Variants in MYBPC1 observed in about 807,000 individuals in gnomAD.
MYBPC1 encodes the protein myosin-binding protein C, slow-type.
A neutral mutation model predicts 147.1 loss-of-function variants in MYBPC1; 52 were observed. The ratio of observed to expected loss-of-function variants is 0.35; its 90% CI spans 0.28 to 0.45. The LOEUF is 0.45. Among genes scored for constraint, MYBPC1 ranks in the 20% least tolerant of loss-of-function variants. The pLI, the probability that MYBPC1 is intolerant of heterozygous loss-of-function variation, is 1.00. For synonymous variants in MYBPC1, 477 were observed against 475.9 expected (o/e 1.00, Z -0.03); for missense variants, 1,228 against 1,440.3 (o/e 0.85, Z 2.39).
At position 101,666,894 on chromosome 12, in the gene MYBPC1, TACACAC is replaced by T. The variant is rs1201276523; in HGVS notation, c.2357-808_2357-803del. The T allele has an allele frequency of 4.2e-3, 1,314 of 313,820 alleles. 3 individuals are homozygous for T. Among genetic ancestry groups the T allele is most frequent in the African/African-American group, 0.02 (823 of 41,402 alleles). The allele number at this position is 313,820 out of a possible 1,614,324, so 19.4% of individuals were successfully genotyped here. A position where few individuals can be genotyped will look rare whatever the true frequency, so the allele number is the denominator to read the frequency against. On this transcript the variant is annotated intron_variant, in intron 22 of 31. Transcript: ENST00000361466. ...GCATGAAGAATACTCATCACATACATACACACACACACACACACACACACACACACA... is the reference window on the plus strand; with the variant it reads ...GCATGAAGAATACTCATCACATACATACACACACACACACACACACACACA...
rs143168620 is a variant in MYBPC1, at chr12:101,641,900, C to T, written c.666-519C>T. On this transcript the variant is annotated intron_variant, in intron 10 of 31. Coordinates refer to ENST00000361466, the MANE Select transcript of MYBPC1 (RefSeq NM_002465.4). ...AGTTACTAATATGGTAGGGAAAATGCTATTTGCAAAATCCAAATGTTTGAA... is the reference window on the plus strand; with the variant it reads ...AGTTACTAATATGGTAGGGAAAATGTTATTTGCAAAATCCAAATGTTTGAA... 6.9e-3 allele frequency among the ~76,000 whole-genome samples: 1,042 copies of T among 151,904 alleles called. 6 individuals are homozygous for T. Among genetic ancestry groups the T allele is most frequent in the Middle Eastern group, 0.02 (6 of 294 alleles).
intron 22 of MYBPC1, 45 bp from the exon 23 acceptor site, chr12:101,667,687 T>C (rs1897742699): frequency 1.2e-6 from 2 of 1,610,204 alleles, no homozygotes; most frequent in Non-Finnish European, 1.7e-6. Context: ...TTTTTTTCAC[T>C]AAACAGCATT....
intron 20 of MYBPC1, among the ~76,000 whole-genome samples, chr12:101,661,745 C>T (rs775656519): frequency 1.3e-5 from 2 of 151,348 alleles, no homozygotes; most frequent in South Asian, 2.1e-4. Flanking sequence ...AAAAATTAGC[C>T]GGGCATGGTG....
At chr12:101,647,660 C>T (rs139958463) in intron 13 of MYBPC1, among the ~76,000 whole-genome samples, 284 of 152,208 alleles carry the variant, frequency 1.9e-3, no homozygotes, top group African/African-American at 6.1e-3. Context: ...GGCCAAGGCA[C>T]GTGATCACTT....
chr12:101,607,640 T>C (rs1478557831), intron 1 of MYBPC1, among the ~76,000 whole-genome samples: 1 of 152,194 alleles, frequency 6.6e-6, no homozygotes, highest in African/African-American at 2.4e-5. Context: ...TTTATGCCTA[T>C]ATAATATATT....
At chr12:101,612,200 A>G (rs908002599) in intron 1 of MYBPC1, among the ~76,000 whole-genome samples, 1 of 152,220 alleles carries the variant, frequency 6.6e-6, no homozygotes, top group Non-Finnish European at 1.5e-5. Flanking sequence ...CTCTTTCTAC[A>G]TAGCAGGAAC....
At chr12:101,617,667 C>T (rs975562269) in intron 3 of MYBPC1, among the ~76,000 whole-genome samples, 1 of 152,148 alleles carries the variant, frequency 6.6e-6, no homozygotes, top group Non-Finnish European at 1.5e-5. Flanking sequence ...TGAAGGCTAG[C>T]ATCTCACTTT....
intron 22 of MYBPC1, chr12:101,666,491 T>C (rs574618305): frequency 7.0e-5 from 32 of 460,314 alleles, no homozygotes; most frequent in African/African-American, 6.0e-4. Context: ...TCTCCTCTTC[T>C]CTATTCTTTT....
chr12:101,684,885 T>A (rs887341780), intron 31 of MYBPC1, among the ~76,000 whole-genome samples: 1 of 152,210 alleles, frequency 6.6e-6, no homozygotes, highest in Non-Finnish European at 1.5e-5. Flanking sequence ...TAGCAAGTAG[T>A]AAAGCACTTC....
At chr12:101,674,261 T>C (rs1457511579) in intron 25 of MYBPC1, among the ~76,000 whole-genome samples, 1 of 152,216 alleles carries the variant, frequency 6.6e-6, no homozygotes, top group African/African-American at 2.4e-5. Context: ...TTATGTTGAA[T>C]TCTTACATTC....
At chr12:101,601,223 A>G (rs7977986) in intron 1 of MYBPC1, among the ~76,000 whole-genome samples, 2,816 of 152,328 alleles carry the variant, frequency 0.018, 86 homozygotes, top group African/African-American at 0.065. Context: ...GGATAAGAAG[A>G]GGGCTTCTGT....
At chr12:101,679,523 A>G (rs1950795812) in intron 28 of MYBPC1, among the ~76,000 whole-genome samples, 1 of 152,230 alleles carries the variant, frequency 6.6e-6, no homozygotes, top group African/African-American at 2.4e-5. Context: ...GAGGGTGCAT[A>G]TTTACAAAAG....
chr12:101,601,546 T>C (rs981495207), intron 1 of MYBPC1, among the ~76,000 whole-genome samples: 8 of 152,200 alleles, frequency 5.3e-5, no homozygotes, highest in Non-Finnish European at 1.0e-4. Context: ...TATAATGAGT[T>C]CACAAAAAGC....
intron 24 of MYBPC1, among the ~76,000 whole-genome samples, chr12:101,671,327 A>ACTCT (rs1555252572): frequency 1.9e-5 from 2 of 103,224 alleles, no homozygotes; most frequent in South Asian, 6.8e-4. Context: ...ACACACACAC[A>ACTCT]CACACACACA....
rs1458172122 is a variant in MYBPC1, at chr12:101,661,196, G to T, written c.1966G>T (p.Val656Leu). The T allele has an allele frequency of 1.9e-6, 3 of 1,613,854 alleles. No individual in the cohort carries two copies. The highest frequency in any genetic ancestry group is 1.7e-6 in the Non-Finnish European group (2 of 1,179,976). Residue 656 changes from valine (V) to leucine (L), a missense_variant, in exon 20 of 32, where the codon GTG becomes TTG. By Grantham distance (32) the Val-to-Leu change is conservative. Around this residue, in one of 2 missense-constraint regions of MYBPC1, gnomAD observed 1,077 missense variants for 1,314.2 expected, o/e 0.82. Coordinates refer to ENST00000361466, the MANE Select transcript of MYBPC1 (RefSeq NM_002465.4). ...DPPVAPTVTE[V>L]GDDWCIMNWE... Reference sequence around the variant, plus strand: ...TCCAGTGGCACCGACTGTGACAGAGGTGGGAGATGACTGGTGTATCATGAA... The same window carrying T: ...TCCAGTGGCACCGACTGTGACAGAGTTGGGAGATGACTGGTGTATCATGAA...
At chr12:101,681,681 T>C (rs1951010183) in intron 29 of MYBPC1, among the ~76,000 whole-genome samples, 1 of 134,802 alleles carries the variant, frequency 7.4e-6, no homozygotes, top group Non-Finnish European at 1.5e-5. Context: ...CGATCTCAGC[T>C]CACTGCGACC....
chr12:101,652,854 T>C (rs974455326), intron 17 of MYBPC1, 70 bp downstream of exon 17: 3 of 1,344,116 alleles, frequency 2.2e-6, no homozygotes, highest in Admixed American at 1.7e-5. Context: ...CATGGAATTA[T>C]AATATATTCA....
intron 12 of MYBPC1, 31 bp from the exon 13 acceptor site, chr12:101,646,732 A>G: frequency 6.2e-7 from 1 of 1,610,348 alleles, no homozygotes; most frequent in Non-Finnish European, 8.5e-7. Context: ...ACATTCACAG[A>G]CTCTGTTTAT....
At chr12:101,607,614 GTCT>G (rs1593627784) in intron 1 of MYBPC1, among the ~76,000 whole-genome samples, 1 of 152,052 alleles carries the variant, frequency 6.6e-6, no homozygotes, top group Non-Finnish European at 1.5e-5. Flanking sequence ...CTGTTATTGT[GTCT>G]TCTTCTGTCT....
Sources: allele counts gnomAD v4.1 joint callset (sites outside exome capture counted in the v4.1 genomes callset), GRCh38; gene constraint gnomAD v4.1.1; regional missense constraint gnomAD v4.1.1; transcripts MANE v1.5; gene names NCBI Gene and HGNC (gene_info 2026-07-23, HGNC 2026-07-21).